The following NRG3 variants were observed in gnomAD, a reference collection of about 807,000 sequenced individuals.
NRG3 encodes pro-neuregulin-3, membrane-bound isoform.
A neutral mutation model predicts 66.9 loss-of-function variants in NRG3; 31 were observed. That is an observed-to-expected ratio of 0.46 (90% CI 0.35 to 0.63). NRG3 has a LOEUF of 0.63. NRG3 is among the 20% of genes least tolerant of loss of function. The pLI is 0.00. For missense variants in NRG3, 910 were observed against 878.9 expected, an observed-to-expected ratio of 1.04 and a Z score of -0.45; for synonymous variants, 393 against 359.4, an observed-to-expected ratio of 1.09 and a Z score of -1.06.
chr10:82,873,409 AGTTTGAAT>A, intron 4 of NRG3, among the ~76,000 whole-genome samples: 1 of 152,296 alleles, frequency 6.6e-6, no homozygotes, highest in East Asian at 1.9e-4. Context: ...TTTCCTTAAC[AGTTTGAAT>A]AGATCAAGAG....
chr10:82,393,039 T>G (rs1400057252), intron 2 of NRG3, among the ~76,000 whole-genome samples: 4 of 152,094 alleles, frequency 2.6e-5, no homozygotes, highest in Non-Finnish European at 5.9e-5. Flanking sequence ...AGGAATGGGT[T>G]AAAATGGAAT....
chr10:82,491,293 A>AATATATATATATACATATATAT (rs1554942717), intron 2 of NRG3, among the ~76,000 whole-genome samples: 10 of 82,200 alleles, frequency 1.2e-4, no homozygotes, highest in Non-Finnish European at 2.8e-4. Context: ...GTTCCCATAA[A>AATATATATATATACATATATAT]ATATATATAT....
chr10:82,555,431 A>G (rs943591150), intron 2 of NRG3, among the ~76,000 whole-genome samples: 2 of 152,182 alleles, frequency 1.3e-5, no homozygotes, highest in African/African-American at 4.8e-5. Flanking sequence ...ACAATTGTGT[A>G]AAAAACTCAT....
chr10:82,013,239 CATTT>C (rs2061651032), intron 1 of NRG3, among the ~76,000 whole-genome samples: 1 of 152,128 alleles, frequency 6.6e-6, no homozygotes, highest in Non-Finnish European at 1.5e-5. Context: ...GGGGAACTCT[CATTT>C]ATAAAACCAT....
chr10:82,506,626 A>G (rs1844706768), intron 2 of NRG3, among the ~76,000 whole-genome samples: 1 of 151,506 alleles, frequency 6.6e-6, no homozygotes, highest in South Asian at 2.1e-4. Context: ...TTCAATTGTG[A>G]TATGTAGAAT....
chr10:82,330,208 T>TA (rs1358783163), intron 1 of NRG3, among the ~76,000 whole-genome samples: 3 of 152,192 alleles, frequency 2.0e-5, no homozygotes, highest in African/African-American at 7.2e-5. Flanking sequence ...AGGGAAATGA[T>TA]ACCTGTAAAA....
intron 2 of NRG3, among the ~76,000 whole-genome samples, chr10:82,651,754 G>A (rs589549): frequency 0.13 from 19,132 of 152,210 alleles, 1,354 homozygotes; most frequent in African/African-American, 0.14. Context: ...AATGGTTGGA[G>A]GCCATGGATG....
intron 1 of NRG3, among the ~76,000 whole-genome samples, chr10:82,078,963 A>C (rs948282822): frequency 2.0e-5 from 3 of 152,194 alleles, no homozygotes; most frequent in Non-Finnish European, 4.4e-5. Flanking sequence ...GCACTCATCA[A>C]ATTTTTACTG....
rs1294280298 is a variant in NRG3 at position 82,675,865 on chromosome 10, T to C, written c.954-62712T>C. On this transcript the variant is annotated intron_variant, in intron 2 of 8. Transcript: ENST00000372141. ...TACTCTATCTGGGATGTACCTTACTTCACTTACAAATAAGCACAGATCATA... is the reference window on the plus strand; with the variant it reads ...TACTCTATCTGGGATGTACCTTACTCCACTTACAAATAAGCACAGATCATA... 5.9e-5 allele frequency among the ~76,000 whole-genome samples: 9 copies of C among 152,194 alleles called. No homozygotes were observed. The East Asian group carries it at 1.7e-3, about 29-fold the overall frequency.
At chr10:82,058,483 A>G (rs1472607061) in intron 1 of NRG3, among the ~76,000 whole-genome samples, 1 of 151,624 alleles carries the variant, frequency 6.6e-6, no homozygotes, top group Non-Finnish European at 1.5e-5. Context: ...TAGAATATAA[A>G]TGACTCCTTT....
rs2061476309 is a variant in NRG3 at position 82,811,121 on chromosome 10, C to T, written c.1028-54290C>T. The stretch of plus-strand genomic sequence containing the variant: ...TTGCAAAATAGCCATATCTGTCTCC[C>T]AAGCATATATACATACAAACGCCTG... On this transcript the variant is annotated intron_variant, in intron 3 of 8. Coordinates refer to ENST00000372141, the MANE Select transcript of NRG3 (RefSeq NM_001010848.4). 2.0e-5 allele frequency among the ~76,000 whole-genome samples: 3 copies of T among 152,270 alleles called. No homozygotes were observed. In the South Asian group the frequency reaches 6.2e-4, roughly 32 times the overall value.
intron 1 of NRG3, among the ~76,000 whole-genome samples, chr10:82,150,944 A>G (rs933100614): frequency 6.6e-6 from 1 of 152,236 alleles, no homozygotes; most frequent in Non-Finnish European, 1.5e-5. Flanking sequence ...AGAAAAGGAA[A>G]TCTTGACAAA....
At chr10:82,747,385 C>A (rs985094198) in intron 3 of NRG3, among the ~76,000 whole-genome samples, 9 of 151,956 alleles carry the variant, frequency 5.9e-5, no homozygotes, top group Admixed American at 1.3e-4. Context: ...CAAATGATTT[C>A]TTGAGGATAA....
intron 3 of NRG3, among the ~76,000 whole-genome samples, chr10:82,782,515 C>A (rs2060160527): frequency 6.6e-6 from 1 of 152,080 alleles, no homozygotes; most frequent in Non-Finnish European, 1.5e-5. Context: ...CAGCAAAAGA[C>A]AAACTAAGAC....
intron 1 of NRG3, among the ~76,000 whole-genome samples, chr10:82,117,589 T>C (rs1269784917): frequency 6.6e-6 from 1 of 152,220 alleles, no homozygotes; most frequent in African/African-American, 2.4e-5. Flanking sequence ...GACATAGTTT[T>C]TTTCTGCCAG....
chr10:81,979,212 A>AT, intron 1 of NRG3, among the ~76,000 whole-genome samples: 1 of 140,264 alleles, frequency 7.1e-6, no homozygotes, highest in Non-Finnish European at 1.5e-5. Context: ...AAAAAAAAAA[A>AT]TTTCCTGTCT....
At chr10:82,880,731 C>G (rs1284531035) in intron 4 of NRG3, among the ~76,000 whole-genome samples, 2 of 152,198 alleles carry the variant, frequency 1.3e-5, no homozygotes, top group Non-Finnish European at 2.9e-5. Flanking sequence ...AAATGCAGGA[C>G]ACCCACATAA....
chr10:82,319,378 A>G (rs1273340666), intron 1 of NRG3, among the ~76,000 whole-genome samples: 1 of 152,228 alleles, frequency 6.6e-6, no homozygotes, highest in East Asian at 1.9e-4. Flanking sequence ...ACTGTGGATA[A>G]TGAGGCTGTT....
intron 1 of NRG3, among the ~76,000 whole-genome samples, chr10:81,932,376 GC>G (rs982334620): frequency 1.4e-4 from 22 of 152,158 alleles, no homozygotes; most frequent in Admixed American, 1.4e-3. Context: ...ACCAGGTTCT[GC>G]CCCCCAGCAT....
Sources: allele counts gnomAD v4.1 joint callset (sites outside exome capture counted in the v4.1 genomes callset), GRCh38; gene constraint gnomAD v4.1.1; transcripts MANE v1.5; gene names NCBI Gene and HGNC (gene_info 2026-07-23, HGNC 2026-07-21).